SORCS2: variants seen among roughly 807,000 people sequenced by gnomAD.
SORCS2 encodes the protein sortilin related VPS10 domain containing receptor 2, also known as VPS10 domain-containing receptor SorCS2.
Under a neutral mutation model 141.6 loss-of-function variants are expected in SORCS2, and 100 were observed. The observed-to-expected ratio is 0.71, with a 90% confidence interval of 0.60 to 0.83. SORCS2 has a LOEUF of 0.83. SORCS2 is among the 40% of genes least tolerant of loss of function. The pLI, the probability that SORCS2 is intolerant of heterozygous loss-of-function variation, is 0.00. For missense variants in SORCS2, 1,646 were observed against 1,560.2 expected (o/e 1.05, Z -0.93); for synonymous variants, 789 against 676.9 (o/e 1.17, Z -2.57).
intron 1 of SORCS2, among the ~76,000 whole-genome samples, chr4:7,336,681 G>T (rs1720008724): frequency 7.2e-6 from 1 of 138,222 alleles, no homozygotes; most frequent in Non-Finnish European, 1.6e-5. Context: ...CAAGGATGGG[G>T]TTTCTAGGGT....
At chr4:7,640,199 A>T (rs13126692) in intron 4 of SORCS2, among the ~76,000 whole-genome samples, 3,460 of 82,646 alleles carry the variant, frequency 0.042, 60 homozygotes, top group Middle Eastern at 0.09. Context: ...TGTGAGTGTG[A>T]GTGTGTACAT....
At chr4:7,542,799 G>A (rs1195288239) in intron 3 of SORCS2, among the ~76,000 whole-genome samples, 4 of 152,196 alleles carry the variant, frequency 2.6e-5, no homozygotes, top group Admixed American at 1.3e-4. Flanking sequence ...AGGCTCACAG[G>A]GGCTGAGTAA....
chr4:7,504,507 A>G (rs1003735843), intron 2 of SORCS2, among the ~76,000 whole-genome samples: 2 of 138,560 alleles, frequency 1.4e-5, no homozygotes, highest in South Asian at 2.7e-4. Flanking sequence ...GAGCTAGGAA[A>G]CCAAACTCAG....
At chr4:7,480,988 C>T (rs1036214100) in intron 2 of SORCS2, among the ~76,000 whole-genome samples, 2 of 152,220 alleles carry the variant, frequency 1.3e-5, no homozygotes, top group Admixed American at 6.5e-5. Context: ...GGAGAGGTGG[C>T]GAAATCCTGA....
At chr4:7,319,727 A>T (rs1170234431) in intron 1 of SORCS2, among the ~76,000 whole-genome samples, 2 of 152,162 alleles carry the variant, frequency 1.3e-5, no homozygotes, top group East Asian at 3.9e-4. Flanking sequence ...AAAAACAAAA[A>T]ACACATGACA....
intron 2 of SORCS2, among the ~76,000 whole-genome samples, chr4:7,519,682 C>G (rs79509802): frequency 0.033 from 5,048 of 152,346 alleles, 258 homozygotes; most frequent in African/African-American, 0.11. Context: ...CATGGAGCAA[C>G]CTGCTTCCTT....
intron 2 of SORCS2, among the ~76,000 whole-genome samples, chr4:7,530,945 G>C (rs567019420): frequency 6.6e-6 from 1 of 152,170 alleles, no homozygotes; most frequent in Non-Finnish European, 1.5e-5. Context: ...GCAGCTGCCC[G>C]AACTCTGGTA....
intron 2 of SORCS2, among the ~76,000 whole-genome samples, chr4:7,508,473 C>T (rs1355202836): frequency 6.6e-6 from 1 of 151,076 alleles, no homozygotes; most frequent in Non-Finnish European, 1.5e-5. Flanking sequence ...GACTCAGTTT[C>T]CCAAGTAGCT....
At chr4:7,610,468 G>A (rs1424795766) in intron 3 of SORCS2, among the ~76,000 whole-genome samples, 2 of 152,146 alleles carry the variant, frequency 1.3e-5, no homozygotes, top group Admixed American at 6.5e-5. Flanking sequence ...GAGGCCCCCC[G>A]GGTTCATTGC....
rs1182810178 is a variant in SORCS2 at position 7,336,613 on chromosome 4, G to C, written c.481-59675G>C. Among the ~76,000 whole-genome samples, 2 of 79,256 alleles carry C rather than the reference G, an allele frequency of 2.5e-5. 1 individual carries two copies. Among genetic ancestry groups the C allele is most frequent in the East Asian group, 8.3e-4 (2 of 2,400 alleles). 52.0% of individuals were successfully genotyped at this position (79,256 alleles called of 152,430 possible). A position where few individuals can be genotyped will look rare whatever the true frequency, so the allele number is the denominator to read the frequency against. ...CTCCTGTTCGCATCTTGGTGGAAGC[G>C]CCAGTAGCACCTTGGGTGAGCCGTG... On this transcript the variant is annotated intron_variant, in intron 1 of 26. Coordinates refer to ENST00000507866, the MANE Select transcript of SORCS2 (RefSeq NM_020777.3).
chr4:7,532,767 A>C (rs1374087372), intron 3 of SORCS2, among the ~76,000 whole-genome samples: 1 of 151,708 alleles, frequency 6.6e-6, no homozygotes, highest in East Asian at 2.0e-4. Context: ...ACGTTTGTTC[A>C]TGGGATGTCC....
chr4:7,339,383 C>T (rs564907616), intron 1 of SORCS2, among the ~76,000 whole-genome samples: 11 of 152,314 alleles, frequency 7.2e-5, no homozygotes, highest in African/African-American at 1.7e-4. Context: ...GCCACAGCTG[C>T]GTAACAAAGT....
At position 7,656,158 on chromosome 4, in the gene SORCS2, C is replaced by T. The variant is rs759067168; in HGVS notation, c.887+1951C>T. Among the ~76,000 whole-genome samples, 7 of 152,222 alleles carry T rather than the reference C, an allele frequency of 4.6e-5. No individual in the cohort carries two copies. The East Asian group carries it at 7.7e-4, about 17-fold the overall frequency. The stretch of plus-strand genomic sequence containing the variant: ...CTGACAGCGGGAATTGCCAAAGCCC[C>T]GTGTTCTGTCTGAAGCTCAGACTCA... On this transcript the variant is annotated intron_variant, in intron 5 of 26. Coordinates refer to ENST00000507866, the MANE Select transcript of SORCS2 (RefSeq NM_020777.3).
chr4:7,676,608 C>A (rs1443844771), intron 9 of SORCS2, among the ~76,000 whole-genome samples: 3 of 151,874 alleles, frequency 2.0e-5, no homozygotes, highest in African/African-American at 7.3e-5. Flanking sequence ...CCCCTGAGGG[C>A]AGTGCTTCTC....
intron 3 of SORCS2, among the ~76,000 whole-genome samples, chr4:7,615,559 A>G (rs1375964017): frequency 6.6e-6 from 1 of 152,076 alleles, no homozygotes; most frequent in Non-Finnish European, 1.5e-5. Flanking sequence ...CCCCAGTCCC[A>G]CCACCTCCAC....
At chr4:7,273,932 C>G (rs949084827) in intron 1 of SORCS2, among the ~76,000 whole-genome samples, 6 of 152,208 alleles carry the variant, frequency 3.9e-5, no homozygotes, top group Admixed American at 1.3e-4. Flanking sequence ...CATGCTGGGG[C>G]TCTGACATGG....
At chr4:7,550,055 C>T (rs369980571) in intron 3 of SORCS2, among the ~76,000 whole-genome samples, 2 of 150,206 alleles carry the variant, frequency 1.3e-5, no homozygotes, top group South Asian at 2.1e-4. Flanking sequence ...CTGGTGGCAA[C>T]TGGAAATAGC....
intron 23 of SORCS2, among the ~76,000 whole-genome samples, chr4:7,732,208 G>A (rs994027263): frequency 4.6e-5 from 7 of 152,170 alleles, no homozygotes; most frequent in Non-Finnish European, 8.8e-5. Flanking sequence ...TCACCATCTC[G>A]AATCATCAGG....
chr4:7,637,735 G>A (rs1221371145), intron 3 of SORCS2, among the ~76,000 whole-genome samples: 1 of 151,812 alleles, frequency 6.6e-6, no homozygotes, highest in Non-Finnish European at 1.5e-5. Context: ...ATGCATGCAT[G>A]CATGAATGGA....
Sources: allele counts gnomAD v4.1 joint callset (sites outside exome capture counted in the v4.1 genomes callset), GRCh38; gene constraint gnomAD v4.1.1; transcripts MANE v1.5; gene names NCBI Gene and HGNC (gene_info 2026-07-23, HGNC 2026-07-21).